The following BTAF1 variants were observed in gnomAD, a reference collection of about 807,000 sequenced individuals.
BTAF1 encodes the protein B-TFIID TATA-box binding protein associated factor 1.
Under a neutral mutation model 227.1 loss-of-function variants are expected in BTAF1, and 38 were observed. The observed-to-expected ratio is 0.17, with a 90% CI of 0.13 to 0.22. The LOEUF (loss-of-function observed/expected upper bound fraction) is 0.22, where lower values mean the gene tolerates loss of function less well. Ranked by LOEUF, BTAF1 falls within the 10% of genes least tolerant of loss-of-function variation. The probability of loss-of-function intolerance (pLI) is 1.00; values close to 1 mark genes in which losing one functional copy is unlikely to be tolerated. For missense variants in BTAF1, 1,598 were observed against 2,204.0 expected, an observed-to-expected ratio of 0.73 and a Z score of 5.51; for synonymous variants, 742 against 751.9, an observed-to-expected ratio of 0.99 and a Z score of 0.21.
intron 14 of BTAF1, among the ~76,000 whole-genome samples, chr10:91,973,627 G>A (rs1033733351): frequency 3.9e-5 from 6 of 152,062 alleles, no homozygotes; most frequent in Non-Finnish European, 8.8e-5. Flanking sequence ...TTTCCCGGCC[G>A]GGCGCGGTGG....
intron 25 of BTAF1, among the ~76,000 whole-genome samples, chr10:92,005,653 T>G (rs148906781): frequency 6.6e-6 from 1 of 152,154 alleles, no homozygotes; most frequent in African/African-American, 2.4e-5. Flanking sequence ...TCTTAAAAAT[T>G]GAAGACACCA....
intron 3 of BTAF1, among the ~76,000 whole-genome samples, chr10:91,940,630 C>T (rs1019659686): frequency 7.2e-5 from 11 of 151,892 alleles, no homozygotes; most frequent in African/African-American, 2.7e-4. Flanking sequence ...CAACTAGATT[C>T]GTTTTCAACT....
At chr10:92,009,997 T>C (rs978528575) in intron 28 of BTAF1, among the ~76,000 whole-genome samples, 1 of 152,212 alleles carries the variant, frequency 6.6e-6, no homozygotes, top group African/African-American at 2.4e-5. Flanking sequence ...ATTAAAATTT[T>C]TAGTTTTTAT....
intron 4 of BTAF1, among the ~76,000 whole-genome samples, chr10:91,946,386 C>T (rs1193827286): frequency 6.6e-6 from 1 of 152,092 alleles, no homozygotes; most frequent in African/African-American, 2.4e-5. Context: ...AAAAATACTG[C>T]TGTAAAAATT....
At chr10:91,998,915 T>C (rs1383483357) in intron 25 of BTAF1, among the ~76,000 whole-genome samples, 7 of 152,012 alleles carry the variant, frequency 4.6e-5, no homozygotes, top group East Asian at 1.9e-4. Context: ...ATACAAAAAT[T>C]TGTGGGGCGT....
chr10:92,019,885 G>A (rs1851000253), intron 34 of BTAF1, among the ~76,000 whole-genome samples: 1 of 108,972 alleles, frequency 9.2e-6, no homozygotes, highest in Non-Finnish European at 1.8e-5. Flanking sequence ...TTGTTTTGTT[G>A]TTGCTGTTTT....
Position 92,028,853 on chromosome 10 carries a change from G to C in BTAF1, c.5470G>C (p.Glu1824Gln), listed in dbSNP as rs986081512. 6.2e-7 allele frequency: 1 copy of C among 1,607,128 alleles called. No individual in the cohort carries two copies. Among genetic ancestry groups the C allele is most frequent in the African/African-American group, 1.3e-5 (1 of 74,222 alleles). Residue 1824 changes from glutamate to glutamine, a missense_variant, in exon 38 of 38, where the codon GAA becomes CAA. By Grantham distance (29) the Glu-to-Gln change is conservative. Around this residue, in one of 10 missense-constraint regions of BTAF1, gnomAD observed 79 missense variants for 97.9 expected, o/e 0.81. Coordinates refer to ENST00000265990, the MANE Select transcript of BTAF1 (RefSeq NM_003972.3). ...SGKASMKSIL[E>Q]NLSDLWDQEQ... ...GAAAGCAAGTATGAAATCAATTCTT[G>C]AAAACCTGAGTGATCTTTGGGATCA...
chr10:92,000,922 G>A (rs1255644625), intron 25 of BTAF1, among the ~76,000 whole-genome samples: 2 of 152,192 alleles, frequency 1.3e-5, no homozygotes, highest in African/African-American at 4.8e-5. Flanking sequence ...TAGGTATTGA[G>A]AAAAGATTAG....
intron 3 of BTAF1, among the ~76,000 whole-genome samples, chr10:91,940,535 G>T (rs948513769): frequency 1.2e-4 from 18 of 151,866 alleles, no homozygotes; most frequent in African/African-American, 4.1e-4. Flanking sequence ...TGTTCTGATT[G>T]CCTGTAATGA....
chr10:91,993,398 A>G lies in BTAF1; in HGVS notation c.3046-296A>G, dbSNP rs566843272. 3.9e-5 allele frequency among the ~76,000 whole-genome samples: 6 copies of G among 152,274 alleles called. No individual in the cohort carries two copies. The East Asian group carries it at 1.2e-3, about 29-fold the overall frequency. ...CTTTGAGGTAGAGAGAAGGAGGAAA[A>G]AAAATGTCACTTAGGACTATCTCTA... On this transcript the variant is annotated intron_variant, in intron 21 of 37. Transcript: ENST00000265990.
intron 3 of BTAF1, 29 bp from the exon 4 acceptor site, chr10:91,942,393 T>C (rs1845078832): frequency 6.2e-7 from 1 of 1,600,332 alleles, no homozygotes. Context: ...GGCTATATGG[T>C]CAAATTAATA....
intron 25 of BTAF1, among the ~76,000 whole-genome samples, chr10:91,998,223 T>TA (rs1477471287): frequency 6.6e-6 from 1 of 152,134 alleles, no homozygotes; most frequent in Non-Finnish European, 1.5e-5. Flanking sequence ...ATGTTTATAT[T>TA]ACAATAATTA....
At chr10:91,991,805 A>G (rs1208609816) in intron 20 of BTAF1, among the ~76,000 whole-genome samples, 3 of 5,370 alleles carry the variant, frequency 5.6e-4, no homozygotes, top group African/African-American at 2.4e-3. Flanking sequence ...GTGTATATAT[A>G]TATATATATA....
rs34292341 is a variant in BTAF1 at position 91,947,735 on chromosome 10, C to CAAAAAAA, written c.401-3652_401-3646dup. On this transcript the variant is annotated intron_variant, in intron 4 of 37. Transcript: ENST00000265990. ...TTTAGGACCAGTCTGTCAATGTTTG[C>CAAAAAAA]AAAAAAAAAAAAAAAAAAAAAAGCC... Among the ~76,000 whole-genome samples the CAAAAAAA allele has an allele frequency of 6.5e-5, 7 of 107,350 alleles. 2 individuals are homozygous for CAAAAAAA. The highest frequency in any genetic ancestry group is 8.6e-5 in the Non-Finnish European group (5 of 57,926). The allele number at this position is 107,350 out of a possible 152,430, so 70.4% of individuals were successfully genotyped here.
intron 4 of BTAF1, among the ~76,000 whole-genome samples, chr10:91,945,189 AAG>A (rs1845281166): frequency 6.6e-6 from 1 of 152,120 alleles, no homozygotes; most frequent in East Asian, 1.9e-4. Context: ...TTTTTTACCT[AAG>A]AGAATATTTT....
intron 34 of BTAF1, among the ~76,000 whole-genome samples, chr10:92,024,214 T>G (rs972886811): frequency 1.3e-5 from 2 of 152,204 alleles, no homozygotes; most frequent in Non-Finnish European, 2.9e-5. Context: ...GCTAAATGCT[T>G]CTTTTCTATA....
chr10:91,996,247 A>G (rs1849138709), intron 23 of BTAF1, 122 bp from the exon 24 acceptor site: 2 of 754,374 alleles, frequency 2.7e-6, no homozygotes, highest in South Asian at 1.9e-5. Flanking sequence ...GTTTTGAAGT[A>G]TTTGGAGATA....
intron 33 of BTAF1, 116 bp downstream of exon 33, chr10:92,016,581 C>A: frequency 3.6e-6 from 3 of 829,260 alleles, no homozygotes; most frequent in Non-Finnish European, 5.2e-6. Context: ...TGGGTTCAAG[C>A]TATCATGCCT....
chr10:91,994,151 C>A (rs1396016037), intron 22 of BTAF1, among the ~76,000 whole-genome samples: 2 of 151,922 alleles, frequency 1.3e-5, no homozygotes, highest in Non-Finnish European at 2.9e-5. Flanking sequence ...CCATCTCTAG[C>A]AAAAATACAA....
Sources: gnomAD v4.1 joint callset for allele counts (sites outside exome capture counted in the v4.1 genomes callset) on GRCh38, gnomAD v4.1.1 for gene constraint, gnomAD v4.1.1 regional missense constraint, MANE v1.5 for transcripts, NCBI Gene and HGNC (gene_info 2026-07-23, HGNC 2026-07-21) for gene names.